Variants in SYNRG observed in about 807,000 individuals in gnomAD.
The protein encoded by SYNRG is AP1 gamma subunit binding protein 1.
In SYNRG, 37 loss-of-function variants were observed where a neutral mutation model predicts 130.9. That is an observed-to-expected ratio of 0.28 (90% confidence interval 0.22 to 0.37). The LOEUF (loss-of-function observed/expected upper bound fraction) is 0.37. SYNRG is among the 10% of genes least tolerant of loss of function. The pLI is 1.00. For missense variants in SYNRG, 1,338 were observed against 1,588.9 expected (o/e 0.84, Z 2.68); for synonymous variants, 539 against 568.1 (o/e 0.95, Z 0.73).
intron 6 of SYNRG, among the ~76,000 whole-genome samples, chr17:37,579,590 G>T (rs78994093): frequency 0.012 from 1,831 of 152,312 alleles, 33 homozygotes; most frequent in African/African-American, 0.041. Flanking sequence ...GGAATTGCAT[G>T]ATGCATGTAA....
chr17:37,599,098 A>C (rs529148030), intron 2 of SYNRG, among the ~76,000 whole-genome samples: 10 of 152,348 alleles, frequency 6.6e-5, no homozygotes, highest in Non-Finnish European at 1.5e-4. Flanking sequence ...TTTATCTTTT[A>C]TCTCTACTGC....
chr17:37,518,999 A>AGTTG lies in SYNRG; in HGVS notation c.3882_3885dup (p.Phe1296GlnfsTer18), dbSNP rs2054647509. The AGTTG allele has an allele frequency of 1.2e-6, 2 of 1,614,206 alleles. No homozygotes were observed. The highest frequency in any genetic ancestry group is 8.5e-7 in the Non-Finnish European group (1 of 1,180,032). ...TTTGGTTCGACACAGTTGATCCAGA[A>AGTTG]GTTGGCACAGCTGGCGTGATACTGG... On this transcript the variant is annotated frameshift_variant, in exon 22 of 22. Transcript: ENST00000612223. LOFTEE classifies it high-confidence loss of function.
chr17:37,584,592 G>C (rs769257668), intron 6 of SYNRG, 56 bp downstream of exon 6: 2 of 1,367,218 alleles, frequency 1.5e-6, no homozygotes, highest in Middle Eastern at 1.8e-4. Flanking sequence ...TAAAGAAACA[G>C]GGACTACATA....
chr17:37,569,113 TA>T (rs150724909), intron 10 of SYNRG, among the ~76,000 whole-genome samples, 189 bp from the exon 11 acceptor site: 2,656 of 152,354 alleles, frequency 0.017, 37 homozygotes, highest in Non-Finnish European at 0.025. Context: ...AAGACTGGTT[TA>T]AATAGCTAAT....
chr17:37,539,316 T>C, intron 16 of SYNRG, 71 bp from the exon 17 acceptor site: 2 of 1,505,186 alleles, frequency 1.3e-6, no homozygotes, highest in East Asian at 4.5e-5. Flanking sequence ...CTCTGTCAAT[T>C]CAAAGTGCTT....
chr17:37,553,722 A>G lies in SYNRG; in HGVS notation c.2001T>C (p.Ala667=), dbSNP rs2058882961. ...AAAGGCTGAATTCTCCAAAATCATCAGCCAAACTAGAAGTTTTTGTTGCTG... is the reference window on the plus strand; with the variant it reads ...AAAGGCTGAATTCTCCAAAATCATCGGCCAAACTAGAAGTTTTTGTTGCTG... ...ALAATKTSSL[A]DDFGEFSLFG... Residue 667 remains alanine, a synonymous_variant, in exon 14 of 22, where the codon GCT becomes GCC. Coordinates refer to ENST00000612223, the MANE Select transcript of SYNRG (RefSeq NM_007247.6). 6.2e-7 allele frequency: 1 copy of G among 1,613,670 alleles called. No homozygotes were observed. The highest frequency in any genetic ancestry group is 2.2e-5 in the East Asian group (1 of 44,892).
chr17:37,541,745 C>A, intron 15 of SYNRG: 1 of 589,954 alleles, frequency 1.7e-6, no homozygotes, highest in South Asian at 2.2e-5. Flanking sequence ...GCAATACCTG[C>A]ATGCTGTGCT....
In SYNRG at chr17:37,553,579, A is replaced by C; in HGVS notation, c.2144T>G (p.Leu715Arg). 1 of 1,614,156 alleles carries C rather than the reference A, an allele frequency of 6.2e-7. No homozygotes were observed. Among genetic ancestry groups the C allele is most frequent in the Non-Finnish European group, 8.5e-7 (1 of 1,180,028 alleles). Reference sequence around the variant, plus strand: ...AGGAACAGGACTGGCTTCCTCTTTAAGGGCATCATATTTGTCATCCGGCTT... The same window carrying C: ...AGGAACAGGACTGGCTTCCTCTTTACGGGCATCATATTTGTCATCCGGCTT... ...EQKPDDKYDA[L>R]KEEASPVPLT... Residue 715 changes from leucine (L) to arginine (R), a missense_variant, in exon 14 of 22, where the codon CTT (leucine) becomes CGT (arginine). Coordinates refer to ENST00000612223, the MANE Select transcript of SYNRG (RefSeq NM_007247.6).
At chr17:37,595,777 G>T in intron 3 of SYNRG, among the ~76,000 whole-genome samples, 1 of 144,762 alleles carries the variant, frequency 6.9e-6, no homozygotes, top group Middle Eastern at 3.5e-3. Context: ...TTTTTGAGAC[G>T]GGAGTCTCAC....
chr17:37,580,759 T>G (rs1183524939), intron 6 of SYNRG, among the ~76,000 whole-genome samples: 1 of 152,120 alleles, frequency 6.6e-6, no homozygotes, highest in Non-Finnish European at 1.5e-5. Flanking sequence ...GGTCTTGAAC[T>G]CCTGACCTCA....
intron 14 of SYNRG, among the ~76,000 whole-genome samples, chr17:37,547,024 G>A (rs967375583): frequency 3.3e-5 from 5 of 152,120 alleles, no homozygotes; most frequent in Non-Finnish European, 7.3e-5. Context: ...CTCAAACACT[G>A]AAGAAAACAG....
intron 3 of SYNRG, among the ~76,000 whole-genome samples, chr17:37,593,763 A>G (rs900394242): frequency 2.0e-5 from 3 of 151,910 alleles, no homozygotes; most frequent in Non-Finnish European, 4.4e-5. Flanking sequence ...ACATGCCTGT[A>G]ATACCAGCTA....
Position 37,517,477 on chromosome 17 carries a change from C to T in SYNRG, c.*1463G>A, listed in dbSNP as rs781055113. On this transcript the variant is annotated 3_prime_UTR_variant, in exon 22 of 22. Transcript: ENST00000612223. ...CGAGTGAGAAAAGCCTTTCTCTCCT[C>T]GGTGCCTCTCTGTGCATTCGGGCAC... 23 of 151,844 alleles carry T rather than the reference C, an allele frequency of 1.5e-4. No homozygotes were observed. The highest frequency in any genetic ancestry group is 3.6e-4 in the African/African-American group (15 of 41,316). The allele number at this position is 151,844 out of a possible 1,614,324, so 9.4% of individuals were successfully genotyped here.
chr17:37,577,709 T>G (rs2060957731), intron 6 of SYNRG, 96 bp from the exon 7 acceptor site: 3 of 1,050,228 alleles, frequency 2.9e-6, no homozygotes, highest in Non-Finnish European at 4.1e-6. Flanking sequence ...TTTTTTTTTT[T>G]TTTTTTTGAG....
chr17:37,609,401 C>G lies in SYNRG; in HGVS notation c.-46G>C. 1 of 1,380,334 alleles carries G rather than the reference C, an allele frequency of 7.2e-7. No homozygotes were observed. The highest frequency in any genetic ancestry group is 9.3e-7 in the Non-Finnish European group (1 of 1,071,078). The allele number at this position is 1,380,334 out of a possible 1,614,324, so 85.5% of individuals were successfully genotyped here. A position where few individuals can be genotyped will look rare whatever the true frequency, so the allele number is the denominator to read the frequency against. The stretch of plus-strand genomic sequence containing the variant: ...GCCTTCGCCGCCGCCACCTTATCAG[C>G]AGCTGTCAGCTGAACACAGCCACTT... On this transcript the variant is annotated 5_prime_UTR_variant, in exon 1 of 22. Coordinates refer to ENST00000612223, the MANE Select transcript of SYNRG (RefSeq NM_007247.6).
chr17:37,586,537 T>C lies in SYNRG; in HGVS notation c.253A>G (p.Met85Val), dbSNP rs756505295. 4 of 1,614,156 alleles carry C rather than the reference T, an allele frequency of 2.5e-6. No homozygotes were observed. Among genetic ancestry groups the C allele is most frequent in the South Asian group, 1.1e-5 (1 of 91,082 alleles). ...ATTCCCGCTGCTGGCATTGGTCCCATTGGTATTCCTGCCTAGAAGAAACAG... is the reference window on the plus strand; with the variant it reads ...ATTCCCGCTGCTGGCATTGGTCCCACTGGTATTCCTGCCTAGAAGAAACAG... ...GPIAMQAGIP[M>V]GPMPAAGMPY... The change falls in exon 4 of 22, where the codon ATG becomes GTG. Residue 85 changes from methionine (M) to valine (V), a missense_variant. Physicochemically the swap from Met to Val is conservative, Grantham distance 21 (BLOSUM62 1). Around this residue, in one of 3 missense-constraint regions of SYNRG, gnomAD observed 184 missense variants for 217.2 expected, o/e 0.85. Coordinates refer to ENST00000612223, the MANE Select transcript of SYNRG (RefSeq NM_007247.6).
intron 13 of SYNRG, among the ~76,000 whole-genome samples, chr17:37,554,554 C>T (rs2058959334): frequency 6.6e-6 from 1 of 152,156 alleles, no homozygotes; most frequent in Non-Finnish European, 1.5e-5. Context: ...ATGTACAACA[C>T]TTGGTTTAGC....
chr17:37,590,387 A>G (rs962653299), intron 3 of SYNRG, among the ~76,000 whole-genome samples: 3 of 152,216 alleles, frequency 2.0e-5, no homozygotes, highest in Non-Finnish European at 4.4e-5. Flanking sequence ...ATTAGAATCT[A>G]GAATATATAA....
At chr17:37,602,035 G>A (rs2063332304) in intron 1 of SYNRG, among the ~76,000 whole-genome samples, 1 of 151,402 alleles carries the variant, frequency 6.6e-6, no homozygotes, top group South Asian at 2.1e-4. Flanking sequence ...AATAAATAAA[G>A]GTTAAAAAGT....
Sources: gnomAD v4.1 joint callset for allele counts (sites outside exome capture counted in the v4.1 genomes callset) on GRCh38, gnomAD v4.1.1 for gene constraint, gnomAD v4.1.1 regional missense constraint, MANE v1.5 for transcripts, NCBI Gene and HGNC (gene_info 2026-07-23, HGNC 2026-07-21) for gene names.